FREM2: variants seen among roughly 807,000 people sequenced by gnomAD.
FREM2 encodes FRAS1 related extracellular matrix 2, also known as FRAS1-related extracellular matrix protein 2.
In FREM2, 119 loss-of-function variants were observed where a neutral mutation model predicts 219.9. The observed-to-expected ratio is 0.54, with a 90% CI of 0.47 to 0.63. The LOEUF (loss-of-function observed/expected upper bound fraction) is 0.63, where lower values mean the gene tolerates loss of function less well. FREM2 is among the 30% of genes least tolerant of loss of function. The pLI, the probability that FREM2 is intolerant of heterozygous loss-of-function variation, is 0.00. For missense variants in FREM2, 4,030 were observed against 3,993.6 expected, an observed-to-expected ratio of 1.01 and a Z score of -0.25; for synonymous variants, 1,562 against 1,522.8, an observed-to-expected ratio of 1.03 and a Z score of -0.60.
At chr13:38,717,412 C>CTTTTTTTTTTTTTTTTT (rs386378868) in intron 2 of FREM2, among the ~76,000 whole-genome samples, 3 of 90,144 alleles carry the variant, frequency 3.3e-5, no homozygotes, top group African/African-American at 4.1e-5. Context: ...TACATAAGTA[C>CTTTTTTTTTTTTTTTTT]TTTTTTTTTT....
At chr13:38,696,040 G>A (rs1029791419) in intron 1 of FREM2, among the ~76,000 whole-genome samples, 1 of 152,154 alleles carries the variant, frequency 6.6e-6, no homozygotes, top group Non-Finnish European at 1.5e-5. Context: ...TGGCTAGGTG[G>A]CTTACACCTA....
intron 12 of FREM2, among the ~76,000 whole-genome samples, chr13:38,856,814 C>A (rs1028276845): frequency 2.7e-5 from 4 of 150,798 alleles, no homozygotes; most frequent in Admixed American, 2.6e-4. Flanking sequence ...GAACATAATT[C>A]CACAGAATGT....
chr13:38,784,911 A>C (rs974608171), intron 6 of FREM2, 103 bp downstream of exon 6: 3 of 1,245,862 alleles, frequency 2.4e-6, no homozygotes, highest in Non-Finnish European at 3.4e-6. Flanking sequence ...GATAATATAC[A>C]CATTTATTTT....
chr13:38,700,175 G>A (rs1329447288), intron 2 of FREM2, among the ~76,000 whole-genome samples: 1 of 152,058 alleles, frequency 6.6e-6, no homozygotes, highest in Non-Finnish European at 1.5e-5. Flanking sequence ...ATTTAGAGTA[G>A]GAGAAGAGAT....
intron 2 of FREM2, among the ~76,000 whole-genome samples, chr13:38,745,421 A>G (rs913693035): frequency 6.6e-6 from 1 of 152,164 alleles, no homozygotes; most frequent in South Asian, 2.1e-4. Flanking sequence ...GGCATATTCA[A>G]TAACATCTCA....
chr13:38,873,205 T>C (rs1164132182), intron 17 of FREM2, among the ~76,000 whole-genome samples: 1 of 152,202 alleles, frequency 6.6e-6, no homozygotes, highest in African/African-American at 2.4e-5. Flanking sequence ...TGATTAATTA[T>C]TTATGTGTTA....
chr13:38,816,122 G>A (rs971533928), intron 6 of FREM2, among the ~76,000 whole-genome samples: 1 of 152,166 alleles, frequency 6.6e-6, no homozygotes, highest in African/African-American at 2.4e-5. Context: ...CTCAGGACTG[G>A]ACAGATTCCC....
At chr13:38,869,407 C>T (rs1878082997) in intron 16 of FREM2, among the ~76,000 whole-genome samples, 1 of 152,204 alleles carries the variant, frequency 6.6e-6, no homozygotes. Context: ...TTTGCCATCT[C>T]ATTTATTTGT....
intron 6 of FREM2, among the ~76,000 whole-genome samples, chr13:38,846,217 T>TAA (rs138940069): frequency 4.3e-5 from 6 of 138,048 alleles, no homozygotes; most frequent in Admixed American, 2.9e-4. Flanking sequence ...TTGGCCAAAG[T>TAA]AAAAAAAAAA....
At chr13:38,842,796 T>C (rs1877009876) in intron 6 of FREM2, among the ~76,000 whole-genome samples, 1 of 152,174 alleles carries the variant, frequency 6.6e-6, no homozygotes, top group Non-Finnish European at 1.5e-5. Flanking sequence ...AAATTGTTTC[T>C]CTTTGTCTTT....
intron 2 of FREM2, among the ~76,000 whole-genome samples, chr13:38,705,923 A>G (rs1870520918): frequency 6.6e-6 from 1 of 152,192 alleles, no homozygotes; most frequent in African/African-American, 2.4e-5. Flanking sequence ...GGGGGAATAC[A>G]CAGGGATGGA....
intron 2 of FREM2, among the ~76,000 whole-genome samples, chr13:38,726,778 T>C (rs1192454397): frequency 1.3e-5 from 2 of 152,230 alleles, no homozygotes; most frequent in Admixed American, 1.3e-4. Flanking sequence ...ACTGCTCTTA[T>C]ATGCTATTTT....
At chr13:38,711,272 A>G (rs1198529990) in intron 2 of FREM2, among the ~76,000 whole-genome samples, 1 of 152,178 alleles carries the variant, frequency 6.6e-6, no homozygotes, top group East Asian at 1.9e-4. Context: ...GGTAAAAGTA[A>G]ACATTAGAGA....
At chr13:38,747,833 TA>T (rs1262717715) in intron 2 of FREM2, among the ~76,000 whole-genome samples, 3 of 152,206 alleles carry the variant, frequency 2.0e-5, no homozygotes, top group Admixed American at 1.3e-4. Flanking sequence ...TTATCAGCCT[TA>T]AAGTTTATGT....
At position 38,688,144 on chromosome 13, in the gene FREM2, G is replaced by A; in HGVS notation, c.800G>A (p.Arg267His). 6.2e-7 allele frequency: 1 copy of A among 1,613,326 alleles called. No individual in the cohort carries two copies. Among genetic ancestry groups the A allele is most frequent in the Non-Finnish European group, 8.5e-7 (1 of 1,179,838 alleles). ...TTCCAGGAACTAGGCGTGCGCTATC[G>A]CCACACAGCCGCCAGTCGCTCACCA... ...KAFQELGVRY[R>H]HTAASRSPNR... Residue 267 changes from arginine (R) to histidine (H), a missense_variant, in exon 1 of 24, where the codon CGC (arginine) becomes CAC (histidine). Transcript: ENST00000280481.
At chr13:38,825,746 T>G (rs1405350406) in intron 6 of FREM2, among the ~76,000 whole-genome samples, 1 of 152,100 alleles carries the variant, frequency 6.6e-6, no homozygotes, top group African/African-American at 2.4e-5. Flanking sequence ...TTACCCAGGC[T>G]CCTCTCTGAG....
At chr13:38,872,214 T>A (rs1489953938) in intron 16 of FREM2, among the ~76,000 whole-genome samples, 1 of 152,238 alleles carries the variant, frequency 6.6e-6, no homozygotes, top group East Asian at 1.9e-4. Flanking sequence ...ACACATTTTG[T>A]ATGATTCCAT....
At chr13:38,778,959 A>G (rs539213442) in intron 4 of FREM2, among the ~76,000 whole-genome samples, 1 of 152,168 alleles carries the variant, frequency 6.6e-6, no homozygotes, top group Non-Finnish European at 1.5e-5. Flanking sequence ...TTTGACTTGA[A>G]TTTTCAGTGA....
At chr13:38,801,377 G>A (rs993345641) in intron 6 of FREM2, among the ~76,000 whole-genome samples, 4 of 152,082 alleles carry the variant, frequency 2.6e-5, no homozygotes, top group Non-Finnish European at 5.9e-5. Context: ...GAATTATCAT[G>A]CTTATTTGAA....
Sources: gnomAD v4.1 joint callset for allele counts (sites outside exome capture counted in the v4.1 genomes callset) on GRCh38, gnomAD v4.1.1 for gene constraint, MANE v1.5 for transcripts, NCBI Gene and HGNC (gene_info 2026-07-23, HGNC 2026-07-21) for gene names.